AHCYL2: variants seen among roughly 807,000 people sequenced by gnomAD.
The protein encoded by AHCYL2 is S-adenosylhomocysteine hydrolase-like protein 2.
A neutral mutation model predicts 81.4 loss-of-function variants in AHCYL2; 28 were observed. The ratio of observed to expected loss-of-function variants is 0.34; its 90% CI spans 0.25 to 0.47. The LOEUF is 0.47. Among genes scored for constraint, AHCYL2 ranks in the 20% least tolerant of loss-of-function variants. AHCYL2 has a pLI of 1.00. For missense variants in AHCYL2, 551 were observed against 785.1 expected, an observed-to-expected ratio of 0.70 and a Z score of 3.56; for synonymous variants, 272 against 290.2, an observed-to-expected ratio of 0.94 and a Z score of 0.64.
chr7:129,418,297 AT>A (rs1232696752), intron 12 of AHCYL2, among the ~76,000 whole-genome samples: 3 of 151,728 alleles, frequency 2.0e-5, no homozygotes, highest in Non-Finnish European at 4.4e-5. Context: ...TTATTTATTT[AT>A]TTTTATTTTT....
intron 6 of AHCYL2, 66 bp downstream of exon 6, chr7:129,400,450 C>A (rs1172834183): frequency 1.4e-6 from 2 of 1,440,682 alleles, no homozygotes; most frequent in East Asian, 2.3e-5. Context: ...GAGGTTATGG[C>A]CTAGGAGAGG....
At chr7:129,306,056 G>C (rs1236309626) in intron 1 of AHCYL2, among the ~76,000 whole-genome samples, 1 of 152,102 alleles carries the variant, frequency 6.6e-6, no homozygotes, top group Admixed American at 6.5e-5. Context: ...TGGATATTAA[G>C]TGCTTTGAGG....
intron 11 of AHCYL2, among the ~76,000 whole-genome samples, chr7:129,410,592 A>G (rs1403254217): frequency 6.6e-6 from 1 of 152,136 alleles, no homozygotes; most frequent in Non-Finnish European, 1.5e-5. Context: ...TTTTTATTTT[A>G]CCTCCAAAAG....
At chr7:129,271,836 A>G (rs543855177) in intron 1 of AHCYL2, among the ~76,000 whole-genome samples, 1 of 152,390 alleles carries the variant, frequency 6.6e-6, no homozygotes, top group South Asian at 2.1e-4. Flanking sequence ...CATACTGAAC[A>G]TAAATGAATT....
intron 1 of AHCYL2, among the ~76,000 whole-genome samples, chr7:129,372,458 G>A (rs1794454716): frequency 6.6e-6 from 1 of 152,126 alleles, no homozygotes; most frequent in Non-Finnish European, 1.5e-5. Context: ...AGAGCCTTAA[G>A]TTACGGAAAG....
At chr7:129,328,973 C>T (rs1213368105) in intron 1 of AHCYL2, among the ~76,000 whole-genome samples, 6 of 152,114 alleles carry the variant, frequency 3.9e-5, no homozygotes, top group Non-Finnish European at 7.4e-5. Context: ...CTCAAACTGA[C>T]TTGAATGTGG....
In AHCYL2 at chr7:129,234,425, A is replaced by G. The variant is rs531926859; in HGVS notation, c.363+8986A>G. Among the ~76,000 whole-genome samples the G allele has an allele frequency of 2.0e-4, 31 of 152,162 alleles. No individual in the cohort carries two copies. The South Asian group carries it at 6.2e-3, about 31-fold the overall frequency. Reference sequence around the variant, plus strand: ...GTGCCTGGCTAATTTTTGTATTTTTAGTAGAGACGGGGTTTCACCAGGTTG... The same window carrying G: ...GTGCCTGGCTAATTTTTGTATTTTTGGTAGAGACGGGGTTTCACCAGGTTG... On this transcript the variant is annotated intron_variant, in intron 1 of 16. Transcript: ENST00000325006.
chr7:129,386,349 G>T (rs548183974), intron 2 of AHCYL2, among the ~76,000 whole-genome samples: 1 of 152,126 alleles, frequency 6.6e-6, no homozygotes, highest in African/African-American at 2.4e-5. Context: ...TGTAATCCCA[G>T]CTACTAAGGA....
At chr7:129,370,486 C>G (rs1196811611) in intron 1 of AHCYL2, among the ~76,000 whole-genome samples, 12 of 152,278 alleles carry the variant, frequency 7.9e-5, no homozygotes, top group African/African-American at 2.9e-4. Flanking sequence ...ATCACGAGGT[C>G]AGGAGATCAA....
intron 12 of AHCYL2, among the ~76,000 whole-genome samples, chr7:129,418,793 T>C (rs915882025): frequency 1.3e-5 from 2 of 152,132 alleles, no homozygotes; most frequent in Non-Finnish European, 2.9e-5. Context: ...CTCTGGAGCT[T>C]GACTAATGAT....
At chr7:129,225,766 C>T (rs1038047319) in intron 1 of AHCYL2, among the ~76,000 whole-genome samples, 3 of 152,166 alleles carry the variant, frequency 2.0e-5, no homozygotes, top group Admixed American at 1.3e-4. Flanking sequence ...GATTTTCCAG[C>T]CTATCGGGGA....
intron 1 of AHCYL2, among the ~76,000 whole-genome samples, chr7:129,321,766 G>GTTTTTTTTTTTTTTTTTTTTGT (rs1315391980): frequency 1.9e-5 from 2 of 107,486 alleles, no homozygotes; most frequent in African/African-American, 3.5e-5. Context: ...TTTTTTTTTG[G>GTTTTTTTTTTTTTTTTTTTTGT]TCTTGGTTTT....
intron 1 of AHCYL2, among the ~76,000 whole-genome samples, chr7:129,313,913 A>G (rs895765386): frequency 1.3e-5 from 2 of 152,170 alleles, no homozygotes; most frequent in Non-Finnish European, 2.9e-5. Flanking sequence ...ATTTGATAAA[A>G]TACAGTATTT....
intron 12 of AHCYL2, 118 bp from the exon 13 acceptor site, chr7:129,422,722 A>G (rs991613124): frequency 1.3e-6 from 1 of 772,328 alleles, no homozygotes; most frequent in South Asian, 1.7e-5. Context: ...GGTATTCTCC[A>G]TCTGGCATGT....
intron 7 of AHCYL2, among the ~76,000 whole-genome samples, 182 bp from the exon 8 acceptor site, chr7:129,404,915 G>A (rs1459566985): frequency 6.6e-6 from 1 of 152,140 alleles, no homozygotes; most frequent in Non-Finnish European, 1.5e-5. Flanking sequence ...TTATTGTGAA[G>A]CTATATATGC....
intron 4 of AHCYL2, among the ~76,000 whole-genome samples, chr7:129,391,921 T>C (rs949374645): frequency 6.6e-6 from 1 of 152,218 alleles, no homozygotes; most frequent in Non-Finnish European, 1.5e-5. Flanking sequence ...TACAAACTAA[T>C]GAATCAAGAC....
chr7:129,281,489 A>ATTTTTTT (rs34422629), intron 1 of AHCYL2, among the ~76,000 whole-genome samples: 13 of 74,158 alleles, frequency 1.8e-4, no homozygotes, highest in Non-Finnish European at 2.5e-4. Context: ...CTGTTTCTAG[A>ATTTTTTT]TTTTTTTTTT....
intron 1 of AHCYL2, among the ~76,000 whole-genome samples, chr7:129,360,711 G>T (rs185777000): frequency 1.4e-4 from 21 of 152,308 alleles, no homozygotes; most frequent in Non-Finnish European, 1.6e-4. Flanking sequence ...AGACGTGTGT[G>T]TGTGTGTATG....
At chr7:129,235,987 A>G (rs991786185) in intron 1 of AHCYL2, among the ~76,000 whole-genome samples, 5 of 148,360 alleles carry the variant, frequency 3.4e-5, no homozygotes. Context: ...TAGGATCAAT[A>G]TCTAAAATTT....
Sources: gnomAD v4.1 joint callset for allele counts (sites outside exome capture counted in the v4.1 genomes callset) on GRCh38, gnomAD v4.1.1 for gene constraint, MANE v1.5 for transcripts, NCBI Gene and HGNC (gene_info 2026-07-23, HGNC 2026-07-21) for gene names.